GALM: variants seen among roughly 807,000 people sequenced by gnomAD.
GALM encodes the protein galactose mutarotase, also known as aldose 1-epimerase.
In GALM, 43 loss-of-function variants were observed where a neutral mutation model predicts 37.4. The observed-to-expected ratio is 1.15, with a 90% CI of 0.90 to 1.48. GALM has a LOEUF of 1.48. GALM is among the 40% of genes most tolerant of loss of function. The pLI is 0.00. For missense variants in GALM, 456 were observed against 419.1 expected (o/e 1.09, Z -0.77); for synonymous variants, 199 against 170.6 (o/e 1.17, Z -1.30).
chr2:38,698,214 G>A (rs891572514), intron 4 of GALM, among the ~76,000 whole-genome samples: 5 of 152,010 alleles, frequency 3.3e-5, no homozygotes, highest in African/African-American at 1.2e-4. Flanking sequence ...AAAGTGCTGG[G>A]ATTATATATA....
At position 38,681,394 on chromosome 2, in the gene GALM, G is replaced by A; in HGVS notation, c.460G>A (p.Gly154Ser). 1 of 1,614,112 alleles carries A rather than the reference G, an allele frequency of 6.2e-7. No individual in the cohort carries two copies. The part of the protein sequence containing the change: ...LKVWVTYTLD[G>S]GELIVNYRAQ... ...AGTCTGGGTGACATACACCCTGGATGGCGGAGAGCTCATAGTCAACTACAG... is the reference window on the plus strand; with the variant it reads ...AGTCTGGGTGACATACACCCTGGATAGCGGAGAGCTCATAGTCAACTACAG... The change falls in exon 3 of 7, where the codon GGC becomes AGC. Residue 154 changes from glycine (G) to serine (S), a missense_variant. Transcript: ENST00000272252.
At position 38,715,506 on chromosome 2, in the gene GALM, C is replaced by T. The variant is rs1666252427; in HGVS notation, c.635-14050C>T. On this transcript the variant is annotated intron_variant, in intron 4 of 6. Coordinates refer to ENST00000272252, the MANE Select transcript of GALM (RefSeq NM_138801.3). Reference sequence around the variant, plus strand: ...AGGCTGAAGTGCAGTGGTGCAATCACAGCTCACTTTAGCTTCATCCTCCTG... The same window carrying T: ...AGGCTGAAGTGCAGTGGTGCAATCATAGCTCACTTTAGCTTCATCCTCCTG... Among the ~76,000 whole-genome samples, 4 of 152,174 alleles carry T rather than the reference C, an allele frequency of 2.6e-5. 1 individual carries two copies. Among genetic ancestry groups the T allele is most frequent in the Non-Finnish European group, 5.9e-5 (4 of 68,038 alleles).
intron 1 of GALM, among the ~76,000 whole-genome samples, chr2:38,667,349 C>T (rs1221171833): frequency 6.6e-6 from 1 of 152,088 alleles, no homozygotes; most frequent in Non-Finnish European, 1.5e-5. Context: ...TAACTTGGCT[C>T]ATGGTTACAT....
intron 2 of GALM, among the ~76,000 whole-genome samples, chr2:38,676,773 A>T (rs1279912341): frequency 1.3e-5 from 2 of 152,176 alleles, no homozygotes; most frequent in African/African-American, 4.8e-5. Context: ...AAAAAAATAA[A>T]AAATAAATAA....
chr2:38,693,628 G>A (rs1286423292), intron 4 of GALM, among the ~76,000 whole-genome samples: 2 of 152,168 alleles, frequency 1.3e-5, no homozygotes, highest in Admixed American at 6.5e-5. Flanking sequence ...TGTGAGATAA[G>A]GTGAAGCTTT....
At chr2:38,693,962 T>G (rs905664056) in intron 4 of GALM, among the ~76,000 whole-genome samples, 1 of 152,120 alleles carries the variant, frequency 6.6e-6, no homozygotes. Flanking sequence ...CAAAGATTGG[T>G]TGAGCCCAGG....
intron 3 of GALM, among the ~76,000 whole-genome samples, chr2:38,682,879 A>G (rs1665430818): frequency 6.6e-6 from 1 of 151,780 alleles, no homozygotes; most frequent in Non-Finnish European, 1.5e-5. Context: ...CTGAGCAACA[A>G]GAGTGAAACT....
In GALM at chr2:38,718,701, A is replaced by G. The variant is rs1238913893; in HGVS notation, c.635-10855A>G. 2.0e-5 allele frequency among the ~76,000 whole-genome samples: 3 copies of G among 151,554 alleles called. No individual in the cohort carries two copies. The East Asian group carries it at 5.9e-4, about 30-fold the overall frequency. On this transcript the variant is annotated intron_variant, in intron 4 of 6. Coordinates refer to ENST00000272252, the MANE Select transcript of GALM (RefSeq NM_138801.3). ...CTGTGGTTTTATTCCTGCACTGTCT[A>G]CTGGGTTGTGTGAAGATGGGCTAGA...
At chr2:38,731,321 C>G (rs892115656) in intron 5 of GALM, among the ~76,000 whole-genome samples, 1 of 148,950 alleles carries the variant, frequency 6.7e-6, no homozygotes, top group Non-Finnish European at 1.5e-5. Context: ...TGCTTGAGCC[C>G]GGGAGGCTGA....
chr2:38,694,926 G>C (rs1665770756), intron 4 of GALM, among the ~76,000 whole-genome samples: 1 of 150,706 alleles, frequency 6.6e-6, no homozygotes, highest in Non-Finnish European at 1.5e-5. Context: ...AAAAAGAAAG[G>C]GAAAGTCAAG....
chr2:38,729,501 T>C, intron 4 of GALM, 55 bp from the exon 5 acceptor site: 3 of 1,556,378 alleles, frequency 1.9e-6, no homozygotes, highest in African/African-American at 1.4e-5. Context: ...GGAGGCTCTA[T>C]ATAAAGATGA....
chr2:38,710,753 CTTTT>C (rs531054454), intron 4 of GALM, among the ~76,000 whole-genome samples: 3 of 133,422 alleles, frequency 2.2e-5, no homozygotes, highest in Non-Finnish European at 4.9e-5. Context: ...TCATTTCCTT[CTTTT>C]TTTTTTTTTT....
intron 4 of GALM, among the ~76,000 whole-genome samples, chr2:38,701,099 C>G (rs1240507743): frequency 6.6e-6 from 1 of 152,224 alleles, no homozygotes; most frequent in Non-Finnish European, 1.5e-5. Context: ...AGAAACAGAT[C>G]CCTGGTACCC....
chr2:38,733,620 T>C lies in GALM; in HGVS notation c.*55T>C. The C allele has an allele frequency of 7.8e-7, 1 of 1,288,556 alleles. No individual in the cohort carries two copies. The highest frequency in any genetic ancestry group is 1.1e-6 in the Non-Finnish European group (1 of 884,830). The allele number at this position is 1,288,556 out of a possible 1,614,324, so 79.8% of individuals were successfully genotyped here. ...GCTAGGCTCAGCCACCTGTCTCCTG[T>C]CCAGAAAAAAGGTGAAGATTAAGAA... On this transcript the variant is annotated 3_prime_UTR_variant, in exon 7 of 7. Transcript: ENST00000272252.
At chr2:38,672,616 T>C (rs1024939177) in intron 1 of GALM, among the ~76,000 whole-genome samples, 1 of 152,222 alleles carries the variant, frequency 6.6e-6, no homozygotes, top group Admixed American at 6.5e-5. Context: ...ACTACTTAGC[T>C]GTGTGTTTTG....
intron 4 of GALM, among the ~76,000 whole-genome samples, chr2:38,700,679 C>T (rs1665899853): frequency 6.6e-6 from 1 of 151,938 alleles, no homozygotes; most frequent in South Asian, 2.1e-4. Context: ...ATCCATTCAG[C>T]CAGTCTATAT....
chr2:38,680,041 G>T (rs1665357132), intron 2 of GALM: 1 of 455,262 alleles, frequency 2.2e-6, no homozygotes, highest in Admixed American at 2.4e-5. Flanking sequence ...TTGAGACAAT[G>T]TCTTACTCTG....
At chr2:38,673,939 T>C (rs2148425235) in intron 1 of GALM, among the ~76,000 whole-genome samples, 1 of 151,890 alleles carries the variant, frequency 6.6e-6, no homozygotes, top group African/African-American at 2.4e-5. Context: ...AGTGTGATAC[T>C]CTATGTAGTA....
At chr2:38,704,977 C>G (rs1666009178) in intron 4 of GALM, among the ~76,000 whole-genome samples, 2 of 152,188 alleles carry the variant, frequency 1.3e-5, no homozygotes, top group Admixed American at 6.5e-5. Flanking sequence ...AAACACATTA[C>G]TGTTACAAGA....
Sources: gnomAD v4.1 joint callset for allele counts (sites outside exome capture counted in the v4.1 genomes callset) on GRCh38, gnomAD v4.1.1 for gene constraint, MANE v1.5 for transcripts, NCBI Gene and HGNC (gene_info 2026-07-23, HGNC 2026-07-21) for gene names.